The following EFCAB6 variants were observed in gnomAD, a reference collection of about 807,000 sequenced individuals.
EFCAB6 encodes EF-hand calcium binding domain 6, also known as EF-hand calcium-binding domain-containing protein 6.
EFCAB6 carries 156 observed loss-of-function variants against 169.8 expected under a neutral mutation model. The ratio of observed to expected loss-of-function variants is 0.92; its 90% CI spans 0.81 to 1.05. The LOEUF (loss-of-function observed/expected upper bound fraction) is 1.05, where lower values mean the gene tolerates loss of function less well. Among genes scored for constraint, EFCAB6 ranks in the 50% least tolerant of loss-of-function variants. EFCAB6 has a pLI of 0.00. For synonymous variants in EFCAB6, 698 were observed against 676.4 expected (o/e 1.03, Z -0.50); for missense variants, 1,800 against 1,829.1 (o/e 0.98, Z 0.29).
At chr22:43,749,239 A>T (rs2060670905) in intron 6 of EFCAB6, among the ~76,000 whole-genome samples, 1 of 152,032 alleles carries the variant, frequency 6.6e-6, no homozygotes, top group Admixed American at 6.6e-5. Context: ...CCTGGGAGGA[A>T]GGATTCTTGG....
At chr22:43,605,902 T>C (rs1448651090) in intron 22 of EFCAB6, among the ~76,000 whole-genome samples, 3 of 152,186 alleles carry the variant, frequency 2.0e-5, no homozygotes, top group Admixed American at 2.0e-4. Context: ...TTCCAGGAAG[T>C]AGCTCATCTA....
At chr22:43,743,859 G>C (rs2060457889) in intron 6 of EFCAB6, among the ~76,000 whole-genome samples, 1 of 152,096 alleles carries the variant, frequency 6.6e-6, no homozygotes, top group Non-Finnish European at 1.5e-5. Context: ...ATGAATAACT[G>C]TTAAGTGGAT....
At chr22:43,764,230 G>T (rs2061255305) in intron 5 of EFCAB6, among the ~76,000 whole-genome samples, 1 of 151,890 alleles carries the variant, frequency 6.6e-6, no homozygotes, top group Admixed American at 6.6e-5. Context: ...GTTGTCTGCT[G>T]TGTCTGCTGT....
chr22:43,763,678 TAC>T (rs1390661046), intron 5 of EFCAB6, among the ~76,000 whole-genome samples: 2 of 152,218 alleles, frequency 1.3e-5, no homozygotes, highest in Admixed American at 6.5e-5. Context: ...TTATATTAAA[TAC>T]AGTTTTCTCT....
intron 2 of EFCAB6, among the ~76,000 whole-genome samples, chr22:43,796,548 T>A (rs1447935635): frequency 6.6e-6 from 1 of 152,150 alleles, no homozygotes; most frequent in Non-Finnish European, 1.5e-5. Flanking sequence ...CCACACCTGA[T>A]GTGATGACAG....
chr22:43,808,796 G>A (rs1433910357), intron 2 of EFCAB6, among the ~76,000 whole-genome samples, 199 bp downstream of exon 2: 1 of 152,220 alleles, frequency 6.6e-6, no homozygotes, highest in African/African-American at 2.4e-5. Flanking sequence ...GAAACACCAG[G>A]AGTGCCAAGG....
At chr22:43,711,236 G>C (rs1349242929) in intron 10 of EFCAB6, among the ~76,000 whole-genome samples, 2 of 152,068 alleles carry the variant, frequency 1.3e-5, no homozygotes, top group Non-Finnish European at 2.9e-5. Context: ...GAAATATCTG[G>C]GGTTGAAGAA....
intron 23 of EFCAB6, among the ~76,000 whole-genome samples, chr22:43,598,659 G>T (rs1019087229): frequency 6.6e-6 from 1 of 152,118 alleles, no homozygotes; most frequent in Non-Finnish European, 1.5e-5. Flanking sequence ...TGGATTGTTT[G>T]TAGCACAAAG....
At chr22:43,662,171 T>C (rs1262875762) in intron 17 of EFCAB6, among the ~76,000 whole-genome samples, 2 of 139,314 alleles carry the variant, frequency 1.4e-5, no homozygotes, top group Admixed American at 7.0e-5. Context: ...ATAATAATAA[T>C]AATAATAATA....
chr22:43,736,093 T>C (rs2060127527), intron 6 of EFCAB6, 100 bp from the exon 7 acceptor site: 3 of 1,209,588 alleles, frequency 2.5e-6, no homozygotes, highest in South Asian at 2.0e-5. Flanking sequence ...TTTTATAAAA[T>C]AAAATGTTTT....
In EFCAB6 at chr22:43,540,281, C is replaced by T; in HGVS notation, c.3725G>A (p.Ser1242Asn). Residue 1242 changes from serine (S) to asparagine (N), a missense_variant, in exon 28 of 32, where the codon AGT becomes AAT. Physicochemically the swap from Ser to Asn is conservative, Grantham distance 46. Transcript: ENST00000262726. ...LKYPDFLSRF[S>N]SETAATPMAT... ...CATTGGTGTGGCTGCTGTCTCGGAA[C>T]TGAACCTGCTCAGGAAGTCCGGGTA... 6.2e-7 allele frequency: 1 copy of T among 1,614,252 alleles called. No homozygotes were observed. Among genetic ancestry groups the T allele is most frequent in the Non-Finnish European group, 8.5e-7 (1 of 1,180,046 alleles).
At chr22:43,694,077 T>C (rs1252449354) in intron 10 of EFCAB6, among the ~76,000 whole-genome samples, 2 of 151,912 alleles carry the variant, frequency 1.3e-5, no homozygotes, top group African/African-American at 2.4e-5. Context: ...GACTTAAATA[T>C]TGATCAACTG....
chr22:43,667,409 G>T, intron 16 of EFCAB6, 137 bp from the exon 17 acceptor site: 1 of 1,121,368 alleles, frequency 8.9e-7, no homozygotes, highest in Non-Finnish European at 1.3e-6. Flanking sequence ...GGGAAGGGTG[G>T]AGTGACTCAG....
intron 9 of EFCAB6, among the ~76,000 whole-genome samples, chr22:43,715,981 A>G (rs2059320920): frequency 6.6e-6 from 1 of 152,230 alleles, no homozygotes; most frequent in Admixed American, 6.5e-5. Flanking sequence ...TATGTTGCAC[A>G]TATTGTGCCA....
At position 43,755,832 on chromosome 22, in the gene EFCAB6, C is replaced by G. The variant is rs200465336; in HGVS notation, c.441G>C (p.Arg147Ser). 1.3e-6 allele frequency: 2 copies of G among 1,593,868 alleles called. No homozygotes were observed. Among genetic ancestry groups the G allele is most frequent in the Non-Finnish European group, 1.7e-6 (2 of 1,173,244 alleles). Reference protein sequence around the residue: ...GIDLYINGIKRGGGNEMNCCR... With the variant: ...GIDLYINGIKSGGGNEMNCCR... ...AGCAATTCATTTCATTCCCACCTCC[C>G]CTTAGAAATAAAAAAAAAATCTTTA... The change falls in exon 6 of 32, where the codon AGG (arginine) becomes AGC (serine). Residue 147 changes from arginine to serine, a missense_variant and splice_region_variant. Arg to Ser is a moderately radical substitution (Grantham distance 110). Coordinates refer to ENST00000262726, the MANE Select transcript of EFCAB6 (RefSeq NM_022785.4).
At position 43,671,961 on chromosome 22, in the gene EFCAB6, C is replaced by T; in HGVS notation, c.1640+12G>A. 1 of 1,610,112 alleles carries T rather than the reference C, an allele frequency of 6.2e-7. No homozygotes were observed. Among genetic ancestry groups the T allele is most frequent in the African/African-American group, 1.3e-5 (1 of 74,802 alleles). Reference sequence around the variant, plus strand: ...AACACGACATGAATTAATTTTGTTACAAAAAACTTACTTTATGAAATGTGC... The same window carrying T: ...AACACGACATGAATTAATTTTGTTATAAAAAACTTACTTTATGAAATGTGC... On this transcript the variant is annotated intron_variant, in intron 15 of 31. Transcript: ENST00000262726.
At chr22:43,631,904 C>T (rs1035706712) in intron 19 of EFCAB6, among the ~76,000 whole-genome samples, 4 of 152,136 alleles carry the variant, frequency 2.6e-5, no homozygotes, top group Admixed American at 6.5e-5. Context: ...AAAGTGTCCA[C>T]GGGGGTCCCT....
intron 8 of EFCAB6, among the ~76,000 whole-genome samples, chr22:43,730,143 C>T (rs1320847751): frequency 6.9e-6 from 1 of 144,140 alleles, no homozygotes; most frequent in Non-Finnish European, 1.5e-5. Flanking sequence ...GATCGTGTCA[C>T]TGCACTCAAG....
intron 2 of EFCAB6, among the ~76,000 whole-genome samples, chr22:43,805,663 A>G (rs1013513900): frequency 5.9e-5 from 9 of 152,202 alleles, no homozygotes; most frequent in African/African-American, 2.2e-4. Flanking sequence ...ATAGATTACA[A>G]TAACCTATTG....
Sources: gnomAD v4.1 joint callset for allele counts (sites outside exome capture counted in the v4.1 genomes callset) on GRCh38, gnomAD v4.1.1 for gene constraint, MANE v1.5 for transcripts, NCBI Gene and HGNC (gene_info 2026-07-23, HGNC 2026-07-21) for gene names.